EPSTI1: variants seen among roughly 807,000 people sequenced by gnomAD.
EPSTI1 encodes the protein epithelial stromal interaction 1, also known as epithelial-stromal interaction protein 1.
Under a neutral mutation model 49.9 loss-of-function variants are expected in EPSTI1, and 66 were observed. The observed-to-expected ratio is 1.32, with a 90% CI of 1.08 to 1.62. The LOEUF (loss-of-function observed/expected upper bound fraction) is 1.62, where lower values mean the gene tolerates loss of function less well. Among genes scored for constraint, EPSTI1 ranks in the 40% most tolerant of loss-of-function variants. The pLI is 0.00. For synonymous variants in EPSTI1, 137 were observed against 130.7 expected (o/e 1.05, Z -0.33); for missense variants, 394 against 365.5 (o/e 1.08, Z -0.64).
At position 42,922,429 on chromosome 13, in the gene EPSTI1, G is replaced by A. The variant is rs925744569; in HGVS notation, c.657+3907C>T. Among the ~76,000 whole-genome samples the A allele has an allele frequency of 1.3e-5, 2 of 152,154 alleles. No homozygotes were observed. The highest frequency in any genetic ancestry group is 4.8e-5 in the African/African-American group (2 of 41,424). On this transcript the variant is annotated intron_variant, in intron 7 of 10. Coordinates refer to ENST00000313624, the MANE Select transcript of EPSTI1 (RefSeq NM_033255.5). This position sits in a 1 kb window ranked among gnomAD's most constrained non-coding sequence, Gnocchi z 4.8. ...AGGTCAGGGAGGGTGCAGAAGGTTG[G>A]GTGAGATGGAAGCTAAACTGGAGCC...
intron 1 of EPSTI1, among the ~76,000 whole-genome samples, chr13:42,974,354 A>G (rs1026611568): frequency 6.6e-6 from 1 of 150,636 alleles, no homozygotes; most frequent in African/African-American, 2.4e-5. Flanking sequence ...AAGAAAAAGA[A>G]AAAGAAAAGA....
intron 3 of EPSTI1, 22 bp from the exon 4 acceptor site, chr13:42,964,161 A>T (rs2039541320): frequency 6.2e-7 from 1 of 1,602,484 alleles, no homozygotes; most frequent in African/African-American, 1.3e-5. Context: ...AAAATCCATG[A>T]AGGTGAAACA....
chr13:42,920,735 CA>C (rs2037968507), intron 7 of EPSTI1, among the ~76,000 whole-genome samples: 1 of 152,148 alleles, frequency 6.6e-6, no homozygotes. Context: ...GGACAAATGC[CA>C]GGCTGAGAAT....
intron 8 of EPSTI1, among the ~76,000 whole-genome samples, chr13:42,904,563 T>C (rs1334933622): frequency 6.6e-6 from 1 of 152,184 alleles, no homozygotes; most frequent in Non-Finnish European, 1.5e-5. Context: ...GATGTATGTA[T>C]ATGAATATTC....
intron 6 of EPSTI1, among the ~76,000 whole-genome samples, chr13:42,945,188 T>A (rs1594700064): frequency 6.6e-6 from 1 of 151,880 alleles, no homozygotes; most frequent in African/African-American, 2.4e-5. Flanking sequence ...TGGCGAAAAG[T>A]GAAGGAGGAG....
At chr13:42,980,117 G>C (rs912917366) in intron 1 of EPSTI1, among the ~76,000 whole-genome samples, 3 of 151,770 alleles carry the variant, frequency 2.0e-5, no homozygotes, top group African/African-American at 7.3e-5. Flanking sequence ...CTCATGATTC[G>C]ATTAGGTTAA....
intron 1 of EPSTI1, among the ~76,000 whole-genome samples, chr13:42,980,486 G>A (rs1269790107): frequency 6.6e-6 from 1 of 152,182 alleles, no homozygotes; most frequent in African/African-American, 2.4e-5. Context: ...ATCTTACATG[G>A]TGGCAGGCAA....
intron 10 of EPSTI1, among the ~76,000 whole-genome samples, chr13:42,888,953 A>T (rs2036947000): frequency 6.6e-6 from 1 of 152,174 alleles, no homozygotes; most frequent in African/African-American, 2.4e-5. Flanking sequence ...GTGAGTCTCC[A>T]CTCCTACCAT....
chr13:42,965,608 T>C (rs1342668174), intron 3 of EPSTI1, among the ~76,000 whole-genome samples: 6 of 152,090 alleles, frequency 3.9e-5, no homozygotes, highest in Admixed American at 1.3e-4. Flanking sequence ...ATGTCTTCTG[T>C]GTTTTGAGGA....
chr13:42,888,594 C>G (rs553580466), intron 10 of EPSTI1, 92 bp from the exon 11 acceptor site: 7 of 1,321,828 alleles, frequency 5.3e-6, no homozygotes, highest in East Asian at 2.3e-5. Flanking sequence ...AAAGAACGCT[C>G]TTATGCATCA....
rs997993657 is a variant in EPSTI1, at chr13:42,922,195, A to G, written c.657+4141T>C. Among the ~76,000 whole-genome samples the G allele has an allele frequency of 1.3e-5, 2 of 152,244 alleles. No individual in the cohort carries two copies. Among genetic ancestry groups the G allele is most frequent in the African/African-American group, 4.8e-5 (2 of 41,476 alleles). ...TCAAGAGATACCAACACATATTAACAGATATTCGGAGCTAACTAAGAAAAG... is the reference window on the plus strand; with the variant it reads ...TCAAGAGATACCAACACATATTAACGGATATTCGGAGCTAACTAAGAAAAG... On this transcript the variant is annotated intron_variant, in intron 7 of 10. Transcript: ENST00000313624. This position sits in a 1 kb window ranked among gnomAD's most constrained non-coding sequence, Gnocchi z 4.8.
At chr13:42,934,896 A>G (rs986471808) in intron 6 of EPSTI1, 5 of 186,064 alleles carry the variant, frequency 2.7e-5, no homozygotes, top group African/African-American at 1.2e-4. Context: ...AGAATGGAAG[A>G]AGTGTCACTG....
At position 42,902,572 on chromosome 13, in the gene EPSTI1, G is replaced by A. The variant is rs181613837; in HGVS notation, c.742-2189C>T. On this transcript the variant is annotated intron_variant, in intron 8 of 10. Transcript: ENST00000313624. ...ATTTTTAGTGGTATATGGGGAGAGA[G>A]TGATAAAACATAAGCAAATGAAATG... 3.9e-5 allele frequency among the ~76,000 whole-genome samples: 6 copies of A among 152,280 alleles called. No individual in the cohort carries two copies. In the East Asian group the frequency reaches 1.2e-3, roughly 29 times the overall value.
At chr13:42,972,124 C>T (rs1334777566) in intron 1 of EPSTI1, among the ~76,000 whole-genome samples, 1 of 152,170 alleles carries the variant, frequency 6.6e-6, no homozygotes, top group Non-Finnish European at 1.5e-5. Context: ...AAAGCTGAAA[C>T]ATCAGATACG....
rs148382552 is a variant in EPSTI1 at position 42,888,590 on chromosome 13, C to T, written c.916-88G>A. 5.0e-4 allele frequency: 677 copies of T among 1,345,096 alleles called. 3 individuals are homozygous for T. In the African/African-American group the frequency reaches 6.0e-3, roughly 12 times the overall value. The allele number at this position is 1,345,096 out of a possible 1,614,324, so 83.3% of individuals were successfully genotyped here. ...TCAAAAATGAAGTTCCTGCAAAGAA[C>T]GCTCTTATGCATCAAGCTGAAATGA... is the stretch of plus-strand genomic sequence containing the variant. On this transcript the variant is annotated intron_variant, in intron 10 of 10. Coordinates refer to ENST00000313624, the MANE Select transcript of EPSTI1 (RefSeq NM_033255.5).
intron 1 of EPSTI1, among the ~76,000 whole-genome samples, chr13:42,978,184 G>C (rs186074817): frequency 4.2e-4 from 64 of 152,010 alleles, no homozygotes; most frequent in African/African-American, 1.5e-3. Context: ...TTTTGCCAAG[G>C]TTGAGGACGC....
chr13:42,974,340 A>AAAAAAG (rs1322296400), intron 1 of EPSTI1, among the ~76,000 whole-genome samples: 3 of 151,320 alleles, frequency 2.0e-5, no homozygotes, highest in East Asian at 3.9e-4. Context: ...CTGTCTCAAA[A>AAAAAAG]AAAAAGAAAA....
intron 6 of EPSTI1, among the ~76,000 whole-genome samples, chr13:42,947,312 G>A (rs1169269630): frequency 1.9e-5 from 1 of 51,962 alleles, no homozygotes; most frequent in Non-Finnish European, 6.4e-5. Context: ...CAAAAAAAAA[G>A]TACTTAGTAT....
rs1266889041 is a variant in EPSTI1, at chr13:42,888,285, G to A, written c.*209C>T. On this transcript the variant is annotated 3_prime_UTR_variant, in exon 11 of 11. Transcript: ENST00000313624. ...AATGTAGCATTTCCCTGGCAGTAGA[G>A]ATTAAATATGAGTTCAGGAATCAGC... 1 of 1,612,318 alleles carries A rather than the reference G, an allele frequency of 6.2e-7. No individual in the cohort carries two copies. The highest frequency in any genetic ancestry group is 8.5e-7 in the Non-Finnish European group (1 of 1,179,928).
Sources: gnomAD v4.1 joint callset for allele counts (sites outside exome capture counted in the v4.1 genomes callset) on GRCh38, gnomAD v4.1.1 for gene constraint, Gnocchi (gnomAD v3.1) non-coding constraint, MANE v1.5 for transcripts, NCBI Gene and HGNC (gene_info 2026-07-23, HGNC 2026-07-21) for gene names.